PLAAT3: variants seen among roughly 807,000 people sequenced by gnomAD.
PLAAT3 encodes phospholipase A and acyltransferase 3.
PLAAT3 carries 21 observed loss-of-function variants against 16.7 expected under a neutral mutation model. That is an observed-to-expected ratio of 1.26 (90% CI 0.89 to 1.81). The LOEUF (loss-of-function observed/expected upper bound fraction) is 1.81, where lower values mean the gene tolerates loss of function less well. PLAAT3 is among the 40% of genes most tolerant of loss of function. The pLI is 0.00. For synonymous variants in PLAAT3, 76 were observed against 81.7 expected (o/e 0.93, Z 0.38); for missense variants, 219 against 213.7 (o/e 1.02, Z -0.16).
chr11:63,599,701 A>G (rs1015572058), intron 2 of PLAAT3, among the ~76,000 whole-genome samples: 2 of 151,440 alleles, frequency 1.3e-5, no homozygotes, highest in African/African-American at 4.9e-5. Context: ...TATGAATCCC[A>G]TTGTTTTCCA....
At chr11:63,614,186 A>G in intron 1 of PLAAT3, 118 bp from the exon 2 acceptor site, 5 of 807,680 alleles carry the variant, frequency 6.2e-6, no homozygotes, top group Non-Finnish European at 1.0e-5. Context: ...CCCCAGGAAC[A>G]ACCACCTCGC....
chr11:63,598,716 C>T (rs1260374897), intron 2 of PLAAT3: 3 of 518,126 alleles, frequency 5.8e-6, no homozygotes, highest in South Asian at 2.8e-5. Context: ...GGGGTCCATG[C>T]CAGAGGCTGC....
chr11:63,588,242 G>A (rs762074609), intron 4 of PLAAT3, among the ~76,000 whole-genome samples: 4 of 151,912 alleles, frequency 2.6e-5, no homozygotes, highest in Admixed American at 2.0e-4. Context: ...GCTAATTTTT[G>A]TATTTTTAGT....
At chr11:63,613,603 A>G (rs1358514127) in intron 2 of PLAAT3, among the ~76,000 whole-genome samples, 1 of 152,158 alleles carries the variant, frequency 6.6e-6, no homozygotes, top group East Asian at 1.9e-4. Context: ...AAGCACAGTT[A>G]ACGCTGGGAC....
intron 4 of PLAAT3, among the ~76,000 whole-genome samples, chr11:63,575,776 C>T (rs968482900): frequency 1.3e-5 from 2 of 152,028 alleles, no homozygotes; most frequent in African/African-American, 4.8e-5. Context: ...AATCCTAAGG[C>T]AGCAAAGGAA....
intron 3 of PLAAT3, among the ~76,000 whole-genome samples, chr11:63,591,791 G>A (rs757106422): frequency 8.5e-5 from 13 of 152,352 alleles, no homozygotes; most frequent in Non-Finnish European, 1.6e-4. Flanking sequence ...GGAGCCCTGC[G>A]TTTGTCGGGA....
At chr11:63,582,166 C>T (rs927299591) in intron 4 of PLAAT3, among the ~76,000 whole-genome samples, 2 of 152,224 alleles carry the variant, frequency 1.3e-5, no homozygotes, top group African/African-American at 4.8e-5. Context: ...CCACTATCCT[C>T]TCCCATTGTA....
intron 4 of PLAAT3, among the ~76,000 whole-genome samples, chr11:63,577,678 G>A (rs1937653118): frequency 6.6e-6 from 1 of 152,202 alleles, no homozygotes; most frequent in Non-Finnish European, 1.5e-5. Flanking sequence ...GAATAAGACA[G>A]CATATTGCAT....
chr11:63,615,394 ATATGTGTGTATATGTG>A (rs1938847637), upstream of PLAAT3, among the ~76,000 whole-genome samples: 2 of 63,266 alleles, frequency 3.2e-5, no homozygotes, highest in East Asian at 2.8e-4. Context: ...ATATGTGTAT[ATATGTGTGTATATGTG>A]TGTGTGTGTG....
intron 3 of PLAAT3, among the ~76,000 whole-genome samples, chr11:63,590,814 C>T (rs1938134396): frequency 6.6e-6 from 1 of 152,176 alleles, no homozygotes; most frequent in Admixed American, 6.5e-5. Flanking sequence ...CTTCTGGAAA[C>T]AGACCCACCA....
chr11:63,595,442 C>T (rs891303516), intron 3 of PLAAT3, among the ~76,000 whole-genome samples: 1 of 152,130 alleles, frequency 6.6e-6, no homozygotes, highest in African/African-American at 2.4e-5. Context: ...ATTCCTGCTA[C>T]TCACAGCAGC....
chr11:63,597,849 C>T (rs1938331856), intron 3 of PLAAT3, among the ~76,000 whole-genome samples: 1 of 152,200 alleles, frequency 6.6e-6, no homozygotes, highest in African/African-American at 2.4e-5. Context: ...GGGACCCCTG[C>T]TCTAAAGAAC....
chr11:63,592,330 C>A (rs951478894), intron 3 of PLAAT3, among the ~76,000 whole-genome samples: 3 of 152,132 alleles, frequency 2.0e-5, no homozygotes, highest in African/African-American at 7.2e-5. Flanking sequence ...CCATGCCCAG[C>A]TAATTTTTAT....
intron 2 of PLAAT3, among the ~76,000 whole-genome samples, chr11:63,609,220 G>A (rs1026607014): frequency 1.3e-5 from 2 of 152,210 alleles, no homozygotes; most frequent in Non-Finnish European, 2.9e-5. Flanking sequence ...TGACGCCCTG[G>A]GGGGAAAGCC....
rs1491488240 is a variant in PLAAT3, at chr11:63,589,411, AAG to A, written c.387+687_387+688del. 1.9e-3 allele frequency among the ~76,000 whole-genome samples: 277 copies of A among 148,324 alleles called. 22 individuals are homozygous for A. The highest frequency in any genetic ancestry group is 6.8e-3 in the Middle Eastern group (2 of 292). Reference sequence around the variant, plus strand: ...TCCCAATGTTCTTTTCACCTATGCAAAGAAAAAAAAAAAAAAAAAGATGGAAG... The same window carrying A: ...TCCCAATGTTCTTTTCACCTATGCAAAAAAAAAAAAAAAAAAAGATGGAAG... On this transcript the variant is annotated intron_variant, in intron 4 of 4. Transcript: ENST00000415826.
intron 2 of PLAAT3, among the ~76,000 whole-genome samples, chr11:63,607,376 G>C (rs1261647572): frequency 2.0e-5 from 3 of 152,122 alleles, no homozygotes; most frequent in Non-Finnish European, 4.4e-5. Context: ...ATGTGTTTGA[G>C]AGAATGGGGA....
chr11:63,578,384 T>C (rs1172015427), intron 4 of PLAAT3, among the ~76,000 whole-genome samples: 3 of 152,092 alleles, frequency 2.0e-5, no homozygotes, highest in Admixed American at 2.0e-4. Flanking sequence ...TTTATAGCAT[T>C]GGGTAAAGAT....
intron 2 of PLAAT3, among the ~76,000 whole-genome samples, chr11:63,600,567 T>C (rs1349454420): frequency 6.6e-6 from 1 of 150,684 alleles, no homozygotes; most frequent in Non-Finnish European, 1.5e-5. Context: ...CTCTTCTACA[T>C]CTTCATGGTT....
chr11:63,599,823 G>T (rs1401688022), intron 2 of PLAAT3, among the ~76,000 whole-genome samples: 1 of 152,092 alleles, frequency 6.6e-6, no homozygotes, highest in African/African-American at 2.4e-5. Context: ...AAGACTGGGT[G>T]GGTACCCATC....
Sources: gnomAD v4.1 joint callset for allele counts (sites outside exome capture counted in the v4.1 genomes callset) on GRCh38, gnomAD v4.1.1 for gene constraint, MANE v1.5 for transcripts, NCBI Gene and HGNC (gene_info 2026-07-23, HGNC 2026-07-21) for gene names.